JARID2: variants seen among roughly 807,000 people sequenced by gnomAD.
JARID2 encodes the protein jumonji and AT-rich interaction domain containing 2, also known as protein Jumonji.
A neutral mutation model predicts 125.6 loss-of-function variants in JARID2; 21 were observed. The ratio of observed to expected loss-of-function variants is 0.17; its 90% CI spans 0.12 to 0.24. The LOEUF (loss-of-function observed/expected upper bound fraction) is 0.24. Ranked by LOEUF, JARID2 falls within the 10% of genes least tolerant of loss-of-function variation. The probability of loss-of-function intolerance (pLI) is 1.00; values close to 1 mark genes in which losing one functional copy is unlikely to be tolerated. For missense variants in JARID2, 1,303 were observed against 1,639.6 expected (o/e 0.79, Z 3.55); for synonymous variants, 736 against 661.6 (o/e 1.11, Z -1.73).
In JARID2 at chr6:15,517,182, G is replaced by A. The variant is rs757124632; in HGVS notation, c.3472G>A (p.Val1158Ile). Residue 1158 changes from valine (V) to isoleucine (I), a missense_variant, in exon 17 of 18, where the codon GTC (valine) becomes ATC (isoleucine). Around this residue, in one of 11 missense-constraint regions of JARID2, gnomAD observed 190 missense variants for 341.4 expected, o/e 0.56. Transcript: ENST00000341776. ...GCAGGTGGTACAAGAGAACGAAAAC[G>A]TCGTGTTCTGTCTGGAGTGTGCTCT... ...LSMVVQENEN[V>I]VFCLECALRH... 4.3e-6 allele frequency: 7 copies of A among 1,613,870 alleles called. No homozygotes were observed. The highest frequency in any genetic ancestry group is 1.3e-5 in the African/African-American group (1 of 74,916).
rs989917516 is a variant in JARID2 at position 15,520,882 on chromosome 6, A to G, written c.*631A>G. On this transcript the variant is annotated 3_prime_UTR_variant, in exon 18 of 18. Coordinates refer to ENST00000341776, the MANE Select transcript of JARID2 (RefSeq NM_004973.4). ...GGAGACGGGAGCGAGTGGGCTCTCC[A>G]CCAGCACATCACTATGCATCTGTTC... The G allele has an allele frequency of 4.4e-6, 2 of 455,494 alleles. No homozygotes were observed. Among genetic ancestry groups the G allele is most frequent in the East Asian group, 7.0e-5 (1 of 14,376 alleles). 28.2% of individuals were successfully genotyped at this position (455,494 alleles called of 1,614,324 possible). A position where few individuals can be genotyped will look rare whatever the true frequency, so the allele number is the denominator to read the frequency against.
At chr6:15,438,471 G>A (rs1255999155) in intron 3 of JARID2, among the ~76,000 whole-genome samples, 4 of 152,192 alleles carry the variant, frequency 2.6e-5, no homozygotes, top group Non-Finnish European at 5.9e-5. Flanking sequence ...ATTGCAGAGC[G>A]TAGAAGGATG....
At chr6:15,275,544 C>CCCCCG (rs1554118142) in intron 1 of JARID2, among the ~76,000 whole-genome samples, 5 of 94,686 alleles carry the variant, frequency 5.3e-5, no homozygotes, top group Non-Finnish European at 7.0e-5. Flanking sequence ...CCCCCCCCCC[C>CCCCCG]GTCTTTTGCC....
At chr6:15,344,055 A>G (rs1344295873) in intron 1 of JARID2, among the ~76,000 whole-genome samples, 3 of 149,746 alleles carry the variant, frequency 2.0e-5, no homozygotes, top group Non-Finnish European at 3.0e-5. Context: ...AATTCTCTTG[A>G]ATTTTAAGGA....
chr6:15,477,803 A>G (rs1769419859), intron 5 of JARID2, among the ~76,000 whole-genome samples: 1 of 152,372 alleles, frequency 6.6e-6, no homozygotes, highest in African/African-American at 2.4e-5. Context: ...TATTATCATT[A>G]ACATAATGTG....
At chr6:15,440,743 G>A (rs1767409791) in intron 3 of JARID2, among the ~76,000 whole-genome samples, 1 of 152,228 alleles carries the variant, frequency 6.6e-6, no homozygotes, top group Admixed American at 6.5e-5. Flanking sequence ...GTGGGAGAAT[G>A]TGCCGTTGTT....
At chr6:15,301,317 C>T (rs1484718371) in intron 1 of JARID2, among the ~76,000 whole-genome samples, 1 of 152,162 alleles carries the variant, frequency 6.6e-6, no homozygotes, top group Non-Finnish European at 1.5e-5. Flanking sequence ...TTGGAAGTGA[C>T]ACCATATTAA....
At chr6:15,327,527 GA>G (rs1762570102) in intron 1 of JARID2, among the ~76,000 whole-genome samples, 1 of 57,258 alleles carries the variant, frequency 1.7e-5, no homozygotes, top group Admixed American at 2.3e-4. Context: ...CATTCTGGAA[GA>G]GTGTGTGTGT....
At chr6:15,361,087 A>G (rs1763775432) in intron 1 of JARID2, among the ~76,000 whole-genome samples, 1 of 152,226 alleles carries the variant, frequency 6.6e-6, no homozygotes, top group East Asian at 1.9e-4. Flanking sequence ...GCACATTGAA[A>G]AATTCAGTGG....
chr6:15,498,626 T>C (rs1770578506), intron 7 of JARID2, among the ~76,000 whole-genome samples: 2 of 152,210 alleles, frequency 1.3e-5, no homozygotes, highest in South Asian at 4.1e-4. Context: ...CATTTAAGTG[T>C]CAGGGATTTG....
intron 1 of JARID2, among the ~76,000 whole-genome samples, chr6:15,264,897 G>A (rs1760025917): frequency 6.6e-6 from 1 of 152,076 alleles, no homozygotes; most frequent in African/African-American, 2.4e-5. Flanking sequence ...TAATGCCTAG[G>A]TTAACAATGA....
intron 1 of JARID2, among the ~76,000 whole-genome samples, chr6:15,332,063 G>A (rs1762728712): frequency 6.6e-6 from 1 of 152,116 alleles, no homozygotes; most frequent in African/African-American, 2.4e-5. Flanking sequence ...AAGTCTGCTT[G>A]AAAATAGTCG....
At chr6:15,449,965 A>T (rs944202139) in intron 3 of JARID2, among the ~76,000 whole-genome samples, 2 of 152,146 alleles carry the variant, frequency 1.3e-5, no homozygotes, top group African/African-American at 4.8e-5. Context: ...TATGAGGTTA[A>T]ATTTAAAGGT....
chr6:15,248,177 G>A (rs1435309189), intron 1 of JARID2: 1 of 765,716 alleles, frequency 1.3e-6, no homozygotes, highest in Non-Finnish European at 1.6e-6. Context: ...TAATGCACCG[G>A]GAGCAGAGCC....
At chr6:15,463,691 C>T (rs760480532) in intron 4 of JARID2, among the ~76,000 whole-genome samples, 3 of 152,176 alleles carry the variant, frequency 2.0e-5, no homozygotes, top group Non-Finnish European at 2.9e-5. Context: ...CTTGACCTCC[C>T]AAAGTGCTGG....
At chr6:15,354,789 A>C (rs541146881) in intron 1 of JARID2, among the ~76,000 whole-genome samples, 17 of 152,324 alleles carry the variant, frequency 1.1e-4, no homozygotes, top group Non-Finnish European at 2.4e-4. Context: ...ACCTACCCCT[A>C]CAAGCAAGAA....
intron 1 of JARID2, among the ~76,000 whole-genome samples, chr6:15,283,740 CTG>C (rs1760880903): frequency 7.3e-6 from 1 of 137,692 alleles, no homozygotes; most frequent in African/African-American, 2.7e-5. Context: ...GAGTGTCACT[CTG>C]TTGCCCAGGC....
chr6:15,517,265 T>G lies in JARID2; in HGVS notation c.3555T>G (p.Asp1185Glu). 6.2e-7 allele frequency: 1 copy of G among 1,611,246 alleles called. No individual in the cohort carries two copies. The highest frequency in any genetic ancestry group is 8.5e-7 in the Non-Finnish European group (1 of 1,177,388). The change falls in exon 17 of 18, where the codon GAT becomes GAG. Residue 1185 changes from aspartate to glutamate, a missense_variant. Physicochemically the swap from Asp to Glu is conservative, Grantham distance 45 (BLOSUM62 2). Transcript: ENST00000341776. ...GGCTGAAGTTGATGTACCGCTACGA[T>G]GAGGTCAGTCCCTGCCCGCGGGGTA... ...CRGLKLMYRYDEEQIISLVNQ... is the reference protein window; with the variant it reads ...CRGLKLMYRYEEEQIISLVNQ...
At chr6:15,488,917 C>G (rs75291598) in intron 6 of JARID2, among the ~76,000 whole-genome samples, 2,426 of 152,240 alleles carry the variant, frequency 0.016, 64 homozygotes, top group African/African-American at 0.055. Context: ...CCTGGCGTCT[C>G]TTAACCATTG....
Sources: allele counts gnomAD v4.1 joint callset (sites outside exome capture counted in the v4.1 genomes callset), GRCh38; gene constraint gnomAD v4.1.1; regional missense constraint gnomAD v4.1.1; transcripts MANE v1.5; gene names NCBI Gene and HGNC (gene_info 2026-07-23, HGNC 2026-07-21).